Variants in ADAMTS19 observed in about 807,000 individuals in gnomAD.
ADAMTS19 encodes A disintegrin and metalloproteinase with thrombospondin motifs 19.
A neutral mutation model predicts 153.3 loss-of-function variants in ADAMTS19; 93 were observed. The ratio of observed to expected loss-of-function variants is 0.61; its 90% CI spans 0.51 to 0.72. ADAMTS19 has a LOEUF of 0.72. Among genes scored for constraint, ADAMTS19 ranks in the 30% least tolerant of loss-of-function variants. ADAMTS19 has a pLI of 0.00. For missense variants in ADAMTS19, 1,482 were observed against 1,552.1 expected (o/e 0.95, Z 0.76); for synonymous variants, 600 against 556.6 (o/e 1.08, Z -1.10).
chr5:129,597,810 G>A (rs1191522433), intron 8 of ADAMTS19, among the ~76,000 whole-genome samples: 1 of 151,234 alleles, frequency 6.6e-6, no homozygotes. Context: ...GCTGAGGCAG[G>A]AGAATCGCTT....
chr5:129,517,422 C>T (rs1421763742), intron 3 of ADAMTS19, among the ~76,000 whole-genome samples: 1 of 151,876 alleles, frequency 6.6e-6, no homozygotes, highest in Non-Finnish European at 1.5e-5. Context: ...CCTATTCTCT[C>T]TCAATAGCTC....
chr5:129,647,895 G>A lies in ADAMTS19; in HGVS notation c.2003G>A (p.Gly668Glu). The change falls in exon 12 of 23, where the codon GGG becomes GAG. Residue 668 changes from glycine (G) to glutamate (E), a missense_variant and splice_region_variant. Coordinates refer to ENST00000274487, the MANE Select transcript of ADAMTS19 (RefSeq NM_133638.6). ...GISSRERKCPGLDSEARDCNG... is the reference protein window; with the variant it reads ...GISSRERKCPELDSEARDCNG... Reference sequence around the variant, plus strand: ...AGCAGTCGAGAGCGCAAATGTCCTGGGTAAACTCAAAGTTCCTGGTTGGGG... The same window carrying A: ...AGCAGTCGAGAGCGCAAATGTCCTGAGTAAACTCAAAGTTCCTGGTTGGGG... 6 of 1,609,468 alleles carry A rather than the reference G, an allele frequency of 3.7e-6. No individual in the cohort carries two copies. Among genetic ancestry groups the A allele is most frequent in the Non-Finnish European group, 5.1e-6 (6 of 1,176,820 alleles).
At chr5:129,590,933 T>A (rs1003343148) in intron 7 of ADAMTS19, among the ~76,000 whole-genome samples, 13 of 152,238 alleles carry the variant, frequency 8.5e-5, no homozygotes, top group African/African-American at 3.1e-4. Flanking sequence ...CAATTTCACC[T>A]GTGCAGTTCC....
In ADAMTS19 at chr5:129,676,436, G is replaced by A. The variant is rs181957281; in HGVS notation, c.2507-3328G>A. The stretch of plus-strand genomic sequence containing the variant: ...AGCTGCTTTAGCCAATTTGAACTCC[G>A]TTCTCTGTGTCCTCAACTCACTGAA... On this transcript the variant is annotated intron_variant, in intron 16 of 22. Coordinates refer to ENST00000274487, the MANE Select transcript of ADAMTS19 (RefSeq NM_133638.6). Among the ~76,000 whole-genome samples the A allele has an allele frequency of 3.3e-3, 507 of 152,038 alleles. 4 individuals are homozygous for A. The highest frequency in any genetic ancestry group is 0.011 in the African/African-American group (473 of 41,510).
intron 2 of ADAMTS19, among the ~76,000 whole-genome samples, chr5:129,478,325 A>G (rs1036733056): frequency 2.6e-5 from 4 of 152,212 alleles, no homozygotes; most frequent in African/African-American, 4.8e-5. Context: ...TGGTTTGCAC[A>G]TGCTTATTTT....
intron 8 of ADAMTS19, among the ~76,000 whole-genome samples, chr5:129,617,832 C>T (rs534862169): frequency 1.9e-4 from 29 of 151,910 alleles, no homozygotes; most frequent in African/African-American, 6.3e-4. Flanking sequence ...ACACTTTCAC[C>T]AAAGAAAGCA....
In ADAMTS19 at chr5:129,662,144, G is replaced by A. The variant is rs138395265; in HGVS notation, c.2426-3355G>A. Among the ~76,000 whole-genome samples, 5 of 152,236 alleles carry A rather than the reference G, an allele frequency of 3.3e-5. No homozygotes were observed. In the East Asian group the frequency reaches 7.7e-4, roughly 24 times the overall value. On this transcript the variant is annotated intron_variant, in intron 15 of 22. Coordinates refer to ENST00000274487, the MANE Select transcript of ADAMTS19 (RefSeq NM_133638.6). ...TGTAAAGTAACTATAATAATGATTA[G>A]CACATAGCAGTTTTTCAAAATATGG...
chr5:129,495,691 G>A (rs1189304121), intron 2 of ADAMTS19, among the ~76,000 whole-genome samples: 1 of 152,018 alleles, frequency 6.6e-6, no homozygotes, highest in Non-Finnish European at 1.5e-5. Flanking sequence ...CCTTCTTTGG[G>A]TTGAATTTGG....
At chr5:129,636,097 G>C (rs1168191858) in intron 10 of ADAMTS19, among the ~76,000 whole-genome samples, 1 of 152,026 alleles carries the variant, frequency 6.6e-6, no homozygotes, top group African/African-American at 2.4e-5. Flanking sequence ...AGGTATTACC[G>C]TGTTAGCTAG....
rs377584156 is a variant in ADAMTS19, at chr5:129,522,558, T to C, written c.914-3726T>C. 5.0e-4 allele frequency among the ~76,000 whole-genome samples: 76 copies of C among 151,874 alleles called. 1 individual carries two copies. The East Asian group carries it at 0.014, about 27-fold the overall frequency. On this transcript the variant is annotated intron_variant, in intron 3 of 22. Transcript: ENST00000274487. ...TTCAGTTAACTTTGTTAACTGATTA[T>C]ACATGATATTTGAGTAAAACTGGAT...
chr5:129,485,189 T>A (rs1311497336), intron 2 of ADAMTS19, among the ~76,000 whole-genome samples: 1 of 151,998 alleles, frequency 6.6e-6, no homozygotes, highest in African/African-American at 2.4e-5. Context: ...TGGAAATGAA[T>A]CACAAAAAGA....
Position 129,701,571 on chromosome 5 carries a change from G to C in ADAMTS19, c.3138G>C (p.Trp1046Cys). 6.2e-7 allele frequency: 1 copy of C among 1,614,172 alleles called. No individual in the cohort carries two copies. Among genetic ancestry groups the C allele is most frequent in the Non-Finnish European group, 8.5e-7 (1 of 1,180,032 alleles). Residue 1046 changes from tryptophan to cysteine, a missense_variant, in exon 20 of 23, where the codon TGG becomes TGC. By Grantham distance (215) the Trp-to-Cys change is radical. Transcript: ENST00000274487. ...AGGGCCAGGACTGCATGACCGTGTG[G>C]GAGGCGGGAGTGTGGTCTGAGGTGC... is the stretch of plus-strand genomic sequence containing the variant. The part of the protein sequence containing the change: ...RCEGQDCMTV[W>C]EAGVWSECSV...
At chr5:129,548,684 C>T (rs1752954094) in intron 6 of ADAMTS19, among the ~76,000 whole-genome samples, 1 of 151,694 alleles carries the variant, frequency 6.6e-6, no homozygotes, top group African/African-American at 2.4e-5. Context: ...GGGTATATAC[C>T]CAAAAGATTA....
intron 6 of ADAMTS19, among the ~76,000 whole-genome samples, chr5:129,533,940 A>G (rs992933234): frequency 7.2e-5 from 11 of 151,798 alleles, no homozygotes; most frequent in African/African-American, 2.7e-4. Context: ...TTCTAGTTTG[A>G]TTGCACTGTG....
chr5:129,674,863 T>C (rs1262790039), intron 16 of ADAMTS19, among the ~76,000 whole-genome samples: 1 of 152,184 alleles, frequency 6.6e-6, no homozygotes, highest in Admixed American at 6.5e-5. Flanking sequence ...TTCCTTCACA[T>C]AGACACCACT....
chr5:129,706,860 GT>G, intron 21 of ADAMTS19, among the ~76,000 whole-genome samples: 1 of 152,026 alleles, frequency 6.6e-6, no homozygotes, highest in East Asian at 1.9e-4. Flanking sequence ...ACTGATTGTG[GT>G]TTTTTATGCT....
At chr5:129,506,271 G>A (rs1230962750) in intron 2 of ADAMTS19, among the ~76,000 whole-genome samples, 1 of 152,078 alleles carries the variant, frequency 6.6e-6, no homozygotes, top group East Asian at 1.9e-4. Flanking sequence ...CAGAAAGAAA[G>A]TTCATGGTAT....
chr5:129,535,916 A>T (rs1050832109), intron 6 of ADAMTS19, among the ~76,000 whole-genome samples: 2 of 152,178 alleles, frequency 1.3e-5, no homozygotes, highest in African/African-American at 4.8e-5. Context: ...TTAATTCAAG[A>T]TGGATTAAAG....
At chr5:129,629,473 C>G (rs1044340035) in intron 10 of ADAMTS19, among the ~76,000 whole-genome samples, 2 of 152,020 alleles carry the variant, frequency 1.3e-5, no homozygotes, top group Non-Finnish European at 2.9e-5. Flanking sequence ...CTGACAAAGG[C>G]AGTTGGGCCA....
Sources: gnomAD v4.1 joint callset for allele counts (sites outside exome capture counted in the v4.1 genomes callset) on GRCh38, gnomAD v4.1.1 for gene constraint, MANE v1.5 for transcripts, NCBI Gene and HGNC (gene_info 2026-07-23, HGNC 2026-07-21) for gene names.